Variants in PTPRO observed in about 807,000 individuals in gnomAD.
The protein encoded by PTPRO is receptor-type tyrosine-protein phosphatase O.
PTPRO carries 62 observed loss-of-function variants against 145.2 expected under a neutral mutation model. The observed-to-expected ratio is 0.43, with a 90% confidence interval of 0.35 to 0.53. The LOEUF is 0.53. Ranked by LOEUF, PTPRO falls within the 20% of genes least tolerant of loss-of-function variation. The pLI is 0.01. For missense variants in PTPRO, 1,345 were observed against 1,482.7 expected, an observed-to-expected ratio of 0.91 and a Z score of 1.53; for synonymous variants, 565 against 514.7, an observed-to-expected ratio of 1.10 and a Z score of -1.32.
intron 1 of PTPRO, among the ~76,000 whole-genome samples, chr12:15,479,829 C>A (rs1309498435): frequency 6.6e-6 from 1 of 152,164 alleles, no homozygotes; most frequent in Non-Finnish European, 1.5e-5. Flanking sequence ...CCTAGCCCTG[C>A]ACTGTTCTCC....
intron 1 of PTPRO, chr12:15,440,226 A>G: frequency 1.5e-6 from 1 of 652,050 alleles, no homozygotes; most frequent in South Asian, 1.7e-5. Flanking sequence ...ACCCTGGGCA[A>G]CTTTTCCAAG....
At chr12:15,344,728 C>T (rs1187772219) in intron 1 of PTPRO, among the ~76,000 whole-genome samples, 1 of 152,216 alleles carries the variant, frequency 6.6e-6, no homozygotes, top group Non-Finnish European at 1.5e-5. Flanking sequence ...CACAAACCAT[C>T]TGGGAGATTG....
At chr12:15,588,454 T>C (rs1368857682) in intron 24 of PTPRO, among the ~76,000 whole-genome samples, 1 of 152,210 alleles carries the variant, frequency 6.6e-6, no homozygotes, top group Non-Finnish European at 1.5e-5. Context: ...AACTAGGGAC[T>C]GTGATGGGCA....
intron 1 of PTPRO, among the ~76,000 whole-genome samples, chr12:15,355,230 C>T (rs1176887936): frequency 1.3e-5 from 2 of 152,152 alleles, no homozygotes; most frequent in Admixed American, 6.5e-5. Context: ...AGTTATTGCT[C>T]TTTTACTCCC....
chr12:15,586,078 T>A (rs927460105), intron 23 of PTPRO, among the ~76,000 whole-genome samples: 2 of 152,210 alleles, frequency 1.3e-5, no homozygotes, highest in African/African-American at 4.8e-5. Context: ...TTACACTTAA[T>A]TCACACAACA....
chr12:15,324,670 T>C (rs183229302), intron 1 of PTPRO, among the ~76,000 whole-genome samples: 5 of 152,184 alleles, frequency 3.3e-5, no homozygotes, highest in South Asian at 2.1e-4. Context: ...TATGTGAATG[T>C]AATATTTTTG....
At chr12:15,551,917 G>A (rs991490324) in intron 15 of PTPRO, among the ~76,000 whole-genome samples, 2 of 151,914 alleles carry the variant, frequency 1.3e-5, no homozygotes, top group Non-Finnish European at 2.9e-5. Flanking sequence ...ATCAATCTTG[G>A]CATTTGAAGT....
intron 1 of PTPRO, among the ~76,000 whole-genome samples, chr12:15,424,385 A>T (rs1940227249): frequency 6.6e-6 from 1 of 152,152 alleles, no homozygotes. Flanking sequence ...TCTATTAACT[A>T]CCATGGAATC....
intron 1 of PTPRO, among the ~76,000 whole-genome samples, chr12:15,388,665 T>C (rs1392467430): frequency 6.6e-6 from 1 of 152,192 alleles, no homozygotes; most frequent in African/African-American, 2.4e-5. Context: ...CATGTCCAAT[T>C]TTAATGTAAA....
At chr12:15,325,386 C>T (rs1394604852) in intron 1 of PTPRO, among the ~76,000 whole-genome samples, 1 of 152,170 alleles carries the variant, frequency 6.6e-6, no homozygotes, top group Non-Finnish European at 1.5e-5. Context: ...TGCCATCGTT[C>T]CTTATCCATG....
intron 1 of PTPRO, among the ~76,000 whole-genome samples, chr12:15,364,889 G>T (rs1218621573): frequency 6.6e-6 from 1 of 152,150 alleles, no homozygotes; most frequent in Non-Finnish European, 1.5e-5. Flanking sequence ...ACCAAATTTT[G>T]TTATTCTAAT....
chr12:15,506,490 C>T (rs953034551), intron 6 of PTPRO, among the ~76,000 whole-genome samples: 5 of 152,126 alleles, frequency 3.3e-5, no homozygotes, highest in South Asian at 2.1e-4. Flanking sequence ...GAGGTTTAAT[C>T]GACTCACAGT....
chr12:15,464,262 C>T (rs1256168588), intron 1 of PTPRO, among the ~76,000 whole-genome samples: 2 of 152,188 alleles, frequency 1.3e-5, no homozygotes, highest in Admixed American at 6.5e-5. Context: ...ACTTCAAGCA[C>T]ATTAACATTG....
chr12:15,581,806 G>A lies in PTPRO; in HGVS notation c.3255+5G>A. On this transcript the variant is annotated splice_donor_5th_base_variant and intron_variant, in intron 23 of 26. Transcript: ENST00000281171. ...AGACACTTCCGGATCAACTATGTAA[G>A]TCACCAGGCAGAGAGCAGGTGCTGT... The A allele has an allele frequency of 1.2e-6, 2 of 1,613,780 alleles. No homozygotes were observed. Among genetic ancestry groups the A allele is most frequent in the Non-Finnish European group, 1.7e-6 (2 of 1,179,790 alleles).
intron 1 of PTPRO, among the ~76,000 whole-genome samples, chr12:15,478,057 T>C (rs1179080849): frequency 6.6e-6 from 1 of 152,118 alleles, no homozygotes; most frequent in African/African-American, 2.4e-5. Context: ...GTTCCCTACA[T>C]TCTCAATTCA....
chr12:15,458,674 A>T (rs1941235283), intron 1 of PTPRO, among the ~76,000 whole-genome samples: 1 of 150,110 alleles, frequency 6.7e-6, no homozygotes. Flanking sequence ...CAGCTCATTG[A>T]TTTCTGAGCT....
intron 1 of PTPRO, among the ~76,000 whole-genome samples, chr12:15,396,840 C>T (rs1042195361): frequency 1.3e-5 from 2 of 152,080 alleles, no homozygotes; most frequent in Admixed American, 1.3e-4. Context: ...TAATCTTTTG[C>T]CTTCCCATGG....
At chr12:15,357,574 A>C (rs1236177788) in intron 1 of PTPRO, among the ~76,000 whole-genome samples, 1 of 152,054 alleles carries the variant, frequency 6.6e-6, no homozygotes, top group Non-Finnish European at 1.5e-5. Flanking sequence ...AAGTGGGCAA[A>C]GGACATGAAC....
intron 1 of PTPRO, among the ~76,000 whole-genome samples, chr12:15,428,166 A>G (rs1393529532): frequency 6.6e-6 from 1 of 152,172 alleles, no homozygotes; most frequent in Non-Finnish European, 1.5e-5. Flanking sequence ...TCTGGGTGGT[A>G]CTTTTAAGTG....
Sources: gnomAD v4.1 joint callset for allele counts (sites outside exome capture counted in the v4.1 genomes callset) on GRCh38, gnomAD v4.1.1 for gene constraint, MANE v1.5 for transcripts, NCBI Gene and HGNC (gene_info 2026-07-23, HGNC 2026-07-21) for gene names.